ZNF536: variants seen among roughly 807,000 people sequenced by gnomAD.
The protein encoded by ZNF536 is zinc finger protein 536.
Under a neutral mutation model 84.5 loss-of-function variants are expected in ZNF536, and 13 were observed. The observed-to-expected ratio is 0.15, with a 90% confidence interval of 0.10 to 0.24. ZNF536 has a LOEUF of 0.24. Among genes scored for constraint, ZNF536 ranks in the 10% least tolerant of loss-of-function variants. The pLI is 1.00. For synonymous variants in ZNF536, 811 were observed against 742.5 expected, an observed-to-expected ratio of 1.09 and a Z score of -1.50; for missense variants, 1,536 against 1,747.5, an observed-to-expected ratio of 0.88 and a Z score of 2.16.
intron 1 of ZNF536, among the ~76,000 whole-genome samples, chr19:30,693,334 T>C (rs1419126968): frequency 6.6e-6 from 1 of 152,220 alleles, no homozygotes; most frequent in African/African-American, 2.4e-5. Context: ...TGAGGTTTTT[T>C]TCCCCCTCCC....
intron 2 of ZNF536, among the ~76,000 whole-genome samples, chr19:30,504,953 C>G (rs971421434): frequency 4.7e-5 from 7 of 149,162 alleles, no homozygotes; most frequent in Non-Finnish European, 1.1e-4. Context: ...GACTAGTAAT[C>G]AAAGAAAAAA....
intron 1 of ZNF536, among the ~76,000 whole-genome samples, chr19:30,664,042 A>AT (rs1335174274): frequency 6.6e-6 from 1 of 152,144 alleles, no homozygotes; most frequent in Non-Finnish European, 1.5e-5. Context: ...CACTAATAGC[A>AT]TTTTTTCACA....
chr19:30,711,035 C>T (rs2052438791), exon 2 of ZNF536: 1 of 152,138 alleles, frequency 6.6e-6, no homozygotes, highest in Non-Finnish European at 1.5e-5. Flanking sequence ...TAGTATTTTA[C>T]ACAGTTTTAA....
chr19:30,585,837 C>T (rs1202705335), intron 1 of ZNF536, among the ~76,000 whole-genome samples: 16 of 152,182 alleles, frequency 1.1e-4, no homozygotes, highest in Admixed American at 9.8e-4. Flanking sequence ...CTAGGTAATA[C>T]AAGTCTTCTC....
chr19:30,282,709 G>T (rs2045493439), intron 1 of ZNF536, among the ~76,000 whole-genome samples: 1 of 152,162 alleles, frequency 6.6e-6, no homozygotes, highest in Admixed American at 6.5e-5. Flanking sequence ...CGATAGGACA[G>T]AACTTTGGAA....
chr19:30,422,021 T>C lies in ZNF536; in HGVS notation c.-2-21540T>C, dbSNP rs115854023. Among the ~76,000 whole-genome samples, 357 of 152,296 alleles carry C rather than the reference T, an allele frequency of 2.3e-3. 2 individuals are homozygous for C. Among genetic ancestry groups the C allele is most frequent in the African/African-American group, 8.0e-3 (332 of 41,556 alleles). On this transcript the variant is annotated intron_variant, in intron 1 of 4. Transcript: ENST00000355537. ...AATAGTGAATTAATTAAAAAAATAT[T>C]AGCAGGGGTACAAAAACATGGGAAA...
At chr19:30,443,227 AC>A (rs1207840420) in intron 1 of ZNF536, among the ~76,000 whole-genome samples, 1 of 152,174 alleles carries the variant, frequency 6.6e-6, no homozygotes, top group Non-Finnish European at 1.5e-5. Context: ...CAATGGGGCA[AC>A]GGAGAAAAAG....
intron 1 of ZNF536, among the ~76,000 whole-genome samples, chr19:30,420,394 T>C (rs558104772): frequency 6.6e-6 from 1 of 152,264 alleles, no homozygotes; most frequent in Non-Finnish European, 1.5e-5. Flanking sequence ...GGAAAGCTCC[T>C]GGGGAGGCAT....
rs543477094 is a variant in ZNF536 at position 30,239,060 on chromosome 19, T to C, written c.-190+10387T>C. Among the ~76,000 whole-genome samples, 19 of 152,310 alleles carry C rather than the reference T, an allele frequency of 1.2e-4. No individual in the cohort carries two copies. In the South Asian group the frequency reaches 3.7e-3, roughly 30 times the overall value. ...TCCCACAGAGGAAAAGGTGGAATTC[T>C]GGGCTGGCTTTCCCTCACCAGAGGG... On this transcript the variant is annotated intron_variant, in intron 1 of 5. Transcript: ENST00000585628.
chr19:30,576,766 G>A (rs543569646), intron 1 of ZNF536, among the ~76,000 whole-genome samples: 2 of 152,306 alleles, frequency 1.3e-5, no homozygotes, highest in South Asian at 2.1e-4. Flanking sequence ...CGTGGGGACT[G>A]GAGGCTTTCT....
At chr19:30,281,487 G>A (rs2045441324) in intron 1 of ZNF536, among the ~76,000 whole-genome samples, 1 of 148,952 alleles carries the variant, frequency 6.7e-6, no homozygotes, top group Non-Finnish European at 1.5e-5. Context: ...TCCTTGTCCT[G>A]GCAACCGGGA....
chr19:30,680,285 G>T (rs1424600984), intron 1 of ZNF536, among the ~76,000 whole-genome samples: 1 of 148,778 alleles, frequency 6.7e-6, no homozygotes, highest in Non-Finnish European at 1.5e-5. Flanking sequence ...AAGTTTTAGG[G>T]TACATGTGCA....
chr19:30,692,420 A>G (rs1476870937), intron 1 of ZNF536, among the ~76,000 whole-genome samples: 1 of 152,262 alleles, frequency 6.6e-6, no homozygotes, highest in East Asian at 1.9e-4. Flanking sequence ...CTCTGGCATC[A>G]GATGGAATTT....
rs770057737 is a variant in ZNF536 at position 30,444,564 on chromosome 19, C to T, written c.1002C>T (p.Pro334=). The change falls in exon 2 of 5, where the codon CCC becomes CCT. Residue 334 remains proline (P), a synonymous_variant. Coordinates refer to ENST00000355537, the MANE Select transcript of ZNF536 (RefSeq NM_014717.3). ...ITAESAQGQG[P]NGGGEQSANE... is the part of the protein sequence containing the mutation. ...CCGAGTCGGCCCAGGGCCAGGGCCCCAACGGCGGTGGCGAGCAGTCGGCCA... is the reference window on the plus strand; with the variant it reads ...CCGAGTCGGCCCAGGGCCAGGGCCCTAACGGCGGTGGCGAGCAGTCGGCCA... 6.2e-7 allele frequency: 1 copy of T among 1,613,652 alleles called. No individual in the cohort carries two copies.
chr19:30,343,911 C>A (rs549774910), intron 2 of ZNF536, among the ~76,000 whole-genome samples: 1 of 152,048 alleles, frequency 6.6e-6, no homozygotes, highest in African/African-American at 2.4e-5. Flanking sequence ...ATCCTGAAAG[C>A]GTCCCTGTTT....
At chr19:30,680,487 G>A (rs1235091596) in intron 1 of ZNF536, among the ~76,000 whole-genome samples, 2 of 143,606 alleles carry the variant, frequency 1.4e-5, no homozygotes, top group African/African-American at 5.2e-5. Context: ...CCACCTATGA[G>A]TGAGAATATG....
chr19:30,267,365 T>A (rs2025569188), intron 1 of ZNF536, among the ~76,000 whole-genome samples: 1 of 152,100 alleles, frequency 6.6e-6, no homozygotes, highest in Admixed American at 6.6e-5. Flanking sequence ...GCCATAAAAG[T>A]CCTGTTTTAT....
chr19:30,226,816 C>T (rs573498364), upstream of ZNF536, among the ~76,000 whole-genome samples: 3 of 151,996 alleles, frequency 2.0e-5, no homozygotes, highest in African/African-American at 7.3e-5. This position sits in a 1 kb window ranked among gnomAD's most constrained non-coding sequence, Gnocchi z 4.6. Context: ...TGCGCGGCGT[C>T]TGGGAAGAGT....
At chr19:30,713,007 A>G (rs539084569) in exon 2 of ZNF536, 66 of 152,288 alleles carry the variant, frequency 4.3e-4, no homozygotes, top group African/African-American at 1.4e-3. Context: ...AATGAGAGCC[A>G]CATTCCATTT....
Sources: allele counts gnomAD v4.1 joint callset (sites outside exome capture counted in the v4.1 genomes callset), GRCh38; gene constraint gnomAD v4.1.1; non-coding constraint Gnocchi (gnomAD v3.1); transcripts MANE v1.5; gene names NCBI Gene and HGNC (gene_info 2026-07-23, HGNC 2026-07-21).